RERE: variants seen among roughly 807,000 people sequenced by gnomAD.
RERE encodes arginine-glutamic acid dipeptide repeats protein.
Under a neutral mutation model 146.1 loss-of-function variants are expected in RERE, and 40 were observed. The ratio of observed to expected loss-of-function variants is 0.27; its 90% CI spans 0.21 to 0.36. The LOEUF is 0.36. Ranked by LOEUF, RERE falls within the 10% of genes least tolerant of loss-of-function variation. RERE has a pLI of 1.00. For missense variants in RERE, 1,933 were observed against 2,138.7 expected (o/e 0.90, Z 1.90); for synonymous variants, 1,003 against 866.0 (o/e 1.16, Z -2.78).
At chr1:8,428,070 G>C (rs760441487) in intron 11 of RERE, among the ~76,000 whole-genome samples, 1 of 152,178 alleles carries the variant, frequency 6.6e-6, no homozygotes, top group South Asian at 2.1e-4. Context: ...TGAAATTCAA[G>C]GTCTCATGAA....
At chr1:8,546,721 G>A (rs533987973) in intron 6 of RERE, among the ~76,000 whole-genome samples, 15 of 152,062 alleles carry the variant, frequency 9.9e-5, no homozygotes, top group African/African-American at 3.1e-4. Context: ...GGTGGTGGGC[G>A]TCTGTAATGC....
chr1:8,359,686 AG>A, intron 19 of RERE, 77 bp downstream of exon 19: 2 of 1,494,264 alleles, frequency 1.3e-6, no homozygotes, highest in Non-Finnish European at 1.8e-6. Flanking sequence ...CCAAGGGCAG[AG>A]CTCGGTGGCC....
chr1:8,597,971 A>T (rs1257986216), intron 4 of RERE, among the ~76,000 whole-genome samples: 1 of 152,062 alleles, frequency 6.6e-6, no homozygotes, highest in Non-Finnish European at 1.5e-5. Context: ...TCCAGGTCTC[A>T]GTGGTTCTGC....
At chr1:8,722,859 G>A (rs977751801) in intron 1 of RERE, among the ~76,000 whole-genome samples, 4 of 152,172 alleles carry the variant, frequency 2.6e-5, no homozygotes, top group East Asian at 1.9e-4. Context: ...GGTACCCACC[G>A]ATGGTCCTGG....
intron 4 of RERE, among the ~76,000 whole-genome samples, chr1:8,576,394 G>A (rs1646295000): frequency 1.3e-5 from 2 of 152,122 alleles, no homozygotes; most frequent in South Asian, 4.1e-4. Flanking sequence ...TAAATAAGAA[G>A]AAAGTTACAT....
At chr1:8,585,172 C>T (rs1176060797) in intron 4 of RERE, among the ~76,000 whole-genome samples, 3 of 148,294 alleles carry the variant, frequency 2.0e-5, no homozygotes, top group Non-Finnish European at 1.5e-5. Context: ...GAAGTAATTA[C>T]GGGATAGTCT....
intron 4 of RERE, among the ~76,000 whole-genome samples, chr1:8,572,902 A>C (rs1448889807): frequency 6.6e-6 from 1 of 152,222 alleles, no homozygotes; most frequent in Non-Finnish European, 1.5e-5. Context: ...ATTTTCCTTA[A>C]AATTAGTGGT....
At chr1:8,530,683 T>C (rs908216843) in intron 7 of RERE, among the ~76,000 whole-genome samples, 1 of 115,550 alleles carries the variant, frequency 8.7e-6, no homozygotes, top group Admixed American at 8.7e-5. Flanking sequence ...CGTTTTCTTT[T>C]TTTTTTTTTT....
At position 8,423,441 on chromosome 1, in the gene RERE, C is replaced by T. The variant is rs1643945187; in HGVS notation, c.1204-634G>A. 3.0e-6 allele frequency: 2 copies of T among 674,682 alleles called. No individual in the cohort carries two copies. The highest frequency in any genetic ancestry group is 3.9e-5 in the African/African-American group (2 of 51,296). The allele number at this position is 674,682 out of a possible 1,614,324, so 41.8% of individuals were successfully genotyped here. A position where few individuals can be genotyped will look rare whatever the true frequency, so the allele number is the denominator to read the frequency against. On this transcript the variant is annotated intron_variant, in intron 11 of 22. Coordinates refer to ENST00000400908, the MANE Select transcript of RERE (RefSeq NM_001042681.2). This position sits in a 1 kb window ranked among gnomAD's most constrained non-coding sequence, Gnocchi z 5.4. ...GCCCTCCCGACGCCACTCGCCGCCCCCATCCATTTTCGCAGCAGACTCGTC... is the reference window on the plus strand; with the variant it reads ...GCCCTCCCGACGCCACTCGCCGCCCTCATCCATTTTCGCAGCAGACTCGTC...
intron 10 of RERE, among the ~76,000 whole-genome samples, chr1:8,476,611 T>C (rs1644760083): frequency 1.3e-5 from 2 of 152,128 alleles, no homozygotes; most frequent in South Asian, 4.1e-4. Context: ...GTCTGGAAAA[T>C]CTAAAATGCA....
intron 1 of RERE, among the ~76,000 whole-genome samples, chr1:8,814,174 G>C (rs755194224): frequency 6.6e-6 from 1 of 152,138 alleles, no homozygotes; most frequent in Non-Finnish European, 1.5e-5. Flanking sequence ...TACTCTTGAA[G>C]TTTTGAAAGT....
intron 11 of RERE, among the ~76,000 whole-genome samples, chr1:8,450,601 C>A (rs1262225325): frequency 2.6e-5 from 4 of 152,300 alleles, no homozygotes; most frequent in African/African-American, 9.6e-5. Flanking sequence ...AGGCCTCATA[C>A]CCCAACCCCC....
intron 1 of RERE, among the ~76,000 whole-genome samples, chr1:8,805,122 C>G (rs893675282): frequency 6.6e-6 from 1 of 150,480 alleles, no homozygotes; most frequent in Non-Finnish European, 1.5e-5. Context: ...GCGATTGTCC[C>G]GGATCCCGAG....
chr1:8,631,549 G>A (rs1647035511), intron 2 of RERE, among the ~76,000 whole-genome samples: 1 of 152,190 alleles, frequency 6.6e-6, no homozygotes, highest in Admixed American at 6.5e-5. Context: ...CCTGCCAGTA[G>A]CAGAAATCTT....
intron 11 of RERE, among the ~76,000 whole-genome samples, chr1:8,442,483 C>T (rs1461679116): frequency 5.3e-5 from 8 of 152,022 alleles, no homozygotes; most frequent in Admixed American, 2.6e-4. Context: ...CGTTTTCTAC[C>T]ATAAGTAAAA....
At chr1:8,629,808 C>T (rs894872136) in intron 2 of RERE, among the ~76,000 whole-genome samples, 3 of 152,296 alleles carry the variant, frequency 2.0e-5, no homozygotes, top group South Asian at 2.1e-4. Flanking sequence ...TGTGTCTCCG[C>T]CTATTAATCT....
At position 8,443,473 on chromosome 1, in the gene RERE, A is replaced by AG. The variant is rs150023466; in HGVS notation, c.1204-20667_1204-20666insC. On this transcript the variant is annotated intron_variant, in intron 11 of 22. Coordinates refer to ENST00000400908, the MANE Select transcript of RERE (RefSeq NM_001042681.2). ...TCTCAAAAAAAGAAAAAAAAAAAAA[A>AG]AAAAAAGAAAGAAAAGCTTTCTCAG... is the stretch of plus-strand genomic sequence containing the variant. 8.8e-3 allele frequency among the ~76,000 whole-genome samples: 1,331 copies of AG among 151,214 alleles called. 11 individuals are homozygous for AG. Among genetic ancestry groups the AG allele is most frequent in the Non-Finnish European group, 0.014 (974 of 67,772 alleles).
intron 11 of RERE, among the ~76,000 whole-genome samples, chr1:8,429,300 G>C (rs1644061611): frequency 6.6e-6 from 1 of 152,202 alleles, no homozygotes; most frequent in South Asian, 2.1e-4. Flanking sequence ...CAGAGCTGTG[G>C]TGGGCCTAGG....
chr1:8,687,204 G>C (rs1057453257), intron 1 of RERE, among the ~76,000 whole-genome samples: 4 of 152,150 alleles, frequency 2.6e-5, no homozygotes, highest in African/African-American at 9.7e-5. Flanking sequence ...ATGAGAGACA[G>C]GAAATTACTA....
Sources: allele counts gnomAD v4.1 joint callset (sites outside exome capture counted in the v4.1 genomes callset), GRCh38; gene constraint gnomAD v4.1.1; non-coding constraint Gnocchi (gnomAD v3.1); transcripts MANE v1.5; gene names NCBI Gene and HGNC (gene_info 2026-07-23, HGNC 2026-07-21).